Variants in PHLPP1 observed in about 807,000 individuals in gnomAD.
PHLPP1 encodes PH domain and leucine rich repeat protein phosphatase 1.
PHLPP1 carries 42 observed loss-of-function variants against 117.2 expected under a neutral mutation model. The ratio of observed to expected loss-of-function variants is 0.36; its 90% CI spans 0.28 to 0.46. PHLPP1 has a LOEUF of 0.46. Ranked by LOEUF, PHLPP1 falls within the 20% of genes least tolerant of loss-of-function variation. The pLI is 1.00. For synonymous variants in PHLPP1, 1,042 were observed against 970.7 expected (o/e 1.07, Z -1.37); for missense variants, 2,084 against 2,241.9 (o/e 0.93, Z 1.42).
intron 4 of PHLPP1, among the ~76,000 whole-genome samples, chr18:62,863,465 A>G (rs1425482517): frequency 6.6e-6 from 1 of 152,158 alleles, no homozygotes; most frequent in East Asian, 1.9e-4. Context: ...GGCCTCCCAA[A>G]GTGCTGGGAT....
intron 10 of PHLPP1, among the ~76,000 whole-genome samples, chr18:62,923,850 C>T (rs1487152409): frequency 2.0e-5 from 3 of 152,048 alleles, no homozygotes; most frequent in African/African-American, 7.2e-5. Context: ...ATATTAAAGA[C>T]AGTTTTTAGG....
chr18:62,933,666 A>G (rs1279326661), intron 10 of PHLPP1, among the ~76,000 whole-genome samples: 1 of 152,196 alleles, frequency 6.6e-6, no homozygotes, highest in Non-Finnish European at 1.5e-5. Context: ...TCATAGAAGA[A>G]AAACTCTTCT....
intron 6 of PHLPP1, among the ~76,000 whole-genome samples, chr18:62,901,352 A>G (rs910847553): frequency 6.6e-6 from 1 of 152,104 alleles, no homozygotes; most frequent in Non-Finnish European, 1.5e-5. Context: ...TTGCTGGGTC[A>G]AGGCCAGTTT....
chr18:62,913,844 A>T (rs940197328), intron 8 of PHLPP1, among the ~76,000 whole-genome samples: 6 of 151,234 alleles, frequency 4.0e-5, no homozygotes, highest in Non-Finnish European at 7.4e-5. Flanking sequence ...CCCGGGTTCA[A>T]ACGATTCTCG....
intron 10 of PHLPP1, among the ~76,000 whole-genome samples, chr18:62,925,153 C>T (rs1357220718): frequency 1.3e-5 from 2 of 152,020 alleles, no homozygotes; most frequent in Non-Finnish European, 2.9e-5. Context: ...CCATGGGTCA[C>T]CGGAGTGGAT....
chr18:62,841,844 A>T (rs920936965), intron 3 of PHLPP1, among the ~76,000 whole-genome samples: 2 of 152,184 alleles, frequency 1.3e-5, no homozygotes, highest in African/African-American at 4.8e-5. Context: ...ACTGGTATTG[A>T]CTACAACTAA....
chr18:62,935,802 G>A (rs530149860), intron 10 of PHLPP1, among the ~76,000 whole-genome samples: 2 of 152,170 alleles, frequency 1.3e-5, no homozygotes, highest in African/African-American at 2.4e-5. Flanking sequence ...TCAGGAGTTC[G>A]AGACCAGCCT....
chr18:62,768,687 G>A (rs1912639861), intron 1 of PHLPP1, among the ~76,000 whole-genome samples: 1 of 152,122 alleles, frequency 6.6e-6, no homozygotes, highest in African/African-American at 2.4e-5. Context: ...CATGCAAGTG[G>A]AAAAGAGGCT....
At chr18:62,899,937 G>A (rs1282205896) in intron 6 of PHLPP1, among the ~76,000 whole-genome samples, 1 of 152,178 alleles carries the variant, frequency 6.6e-6, no homozygotes, top group African/African-American at 2.4e-5. Context: ...CCCAAGTGCT[G>A]AGAATTACAG....
intron 1 of PHLPP1, among the ~76,000 whole-genome samples, chr18:62,776,806 C>T (rs1293321209): frequency 6.6e-6 from 1 of 152,096 alleles, no homozygotes; most frequent in Admixed American, 6.5e-5. Context: ...GACGGGGTTT[C>T]ACCATGTTGG....
rs935160647 is a variant in PHLPP1, at chr18:62,972,555, A to G, written c.3602A>G (p.Asn1201Ser). 8.1e-6 allele frequency: 13 copies of G among 1,613,364 alleles called. 1 individual carries two copies. In the East Asian group the frequency reaches 1.8e-4, roughly 22 times the overall value. Residue 1201 changes from asparagine to serine, a missense_variant, in exon 15 of 17, where the codon AAC becomes AGC. By Grantham distance (46) the Asn-to-Ser change is conservative (BLOSUM62 1). Around this residue, in one of 2 missense-constraint regions of PHLPP1, gnomAD observed 1,365 missense variants for 1,605.9 expected, o/e 0.85. Coordinates refer to ENST00000262719, the MANE Select transcript of PHLPP1 (RefSeq NM_194449.4). ...CTGTCGGTGAATAACTTCTGTGACA[A>G]CCGCGAAGCCCTGTATGGTGTGTTT... Reference protein sequence around the residue: ...AALSVNNFCDNREALYGVFDG... With the variant: ...AALSVNNFCDSREALYGVFDG...
In PHLPP1 at chr18:62,766,587, G is replaced by A. The variant is rs372562627; in HGVS notation, c.1576+49328G>A. Among the ~76,000 whole-genome samples, 28 of 152,068 alleles carry A rather than the reference G, an allele frequency of 1.8e-4. 1 individual carries two copies. The East Asian group carries it at 4.3e-3, about 23-fold the overall frequency. On this transcript the variant is annotated intron_variant, in intron 1 of 16. Coordinates refer to ENST00000262719, the MANE Select transcript of PHLPP1 (RefSeq NM_194449.4). ...GGTAGAGAAACTGGCCTAATTCTGGGGTGAAATATTAGCCAAGACCACTCA... is the reference window on the plus strand; with the variant it reads ...GGTAGAGAAACTGGCCTAATTCTGGAGTGAAATATTAGCCAAGACCACTCA...
chr18:62,938,187 A>G (rs766395515), intron 10 of PHLPP1, among the ~76,000 whole-genome samples: 1 of 152,226 alleles, frequency 6.6e-6, no homozygotes, highest in East Asian at 1.9e-4. Flanking sequence ...ACATTAAACC[A>G]TCTTTTTTAT....
chr18:62,778,638 G>A (rs1292432430), intron 1 of PHLPP1, among the ~76,000 whole-genome samples: 2 of 152,210 alleles, frequency 1.3e-5, no homozygotes, highest in East Asian at 1.9e-4. Context: ...AATAATACAA[G>A]CGTGTGTTCA....
Position 62,895,172 on chromosome 18 carries a change from C to G in PHLPP1, c.2213+15C>G, listed in dbSNP as rs779714268. ...GTGATGCACAAGTGTGTACTTCAAACCCCACTGGCGGGTATATCCAGAAGC... is the reference window on the plus strand; with the variant it reads ...GTGATGCACAAGTGTGTACTTCAAAGCCCACTGGCGGGTATATCCAGAAGC... On this transcript the variant is annotated intron_variant, in intron 5 of 16. Coordinates refer to ENST00000262719, the MANE Select transcript of PHLPP1 (RefSeq NM_194449.4). 1 of 1,611,136 alleles carries G rather than the reference C, an allele frequency of 6.2e-7. No individual in the cohort carries two copies. Among genetic ancestry groups the G allele is most frequent in the Admixed American group, 1.7e-5 (1 of 59,956 alleles).
chr18:62,819,861 C>T (rs1211525699), intron 1 of PHLPP1, among the ~76,000 whole-genome samples: 1 of 152,126 alleles, frequency 6.6e-6, no homozygotes, highest in Non-Finnish European at 1.5e-5. Flanking sequence ...GGCCGCCAGG[C>T]TTTTTTCGAA....
chr18:62,845,421 A>G (rs1915156509), intron 3 of PHLPP1, among the ~76,000 whole-genome samples: 1 of 152,220 alleles, frequency 6.6e-6, no homozygotes. Flanking sequence ...ATCCCATGAA[A>G]TGATGAGCAA....
At chr18:62,955,342 G>A (rs536362461) in intron 12 of PHLPP1, among the ~76,000 whole-genome samples, 1 of 152,304 alleles carries the variant, frequency 6.6e-6, no homozygotes, top group South Asian at 2.1e-4. Context: ...CTGGGAGCAG[G>A]CTGACGGACT....
At chr18:62,878,461 G>T (rs774951215) in intron 4 of PHLPP1, among the ~76,000 whole-genome samples, 12 of 152,150 alleles carry the variant, frequency 7.9e-5, no homozygotes, top group Non-Finnish European at 1.8e-4. Flanking sequence ...GAAAACTAAG[G>T]ACCCATGAAA....
Sources: allele counts gnomAD v4.1 joint callset (sites outside exome capture counted in the v4.1 genomes callset), GRCh38; gene constraint gnomAD v4.1.1; regional missense constraint gnomAD v4.1.1; transcripts MANE v1.5; gene names NCBI Gene and HGNC (gene_info 2026-07-23, HGNC 2026-07-21).